Variants in PTPRD observed in about 807,000 individuals in gnomAD.
PTPRD encodes the protein receptor-type tyrosine-protein phosphatase delta.
A neutral mutation model predicts 214.5 loss-of-function variants in PTPRD; 34 were observed. The ratio of observed to expected loss-of-function variants is 0.16; its 90% CI spans 0.12 to 0.21. PTPRD has a LOEUF of 0.21. Ranked by LOEUF, PTPRD falls within the 10% of genes least tolerant of loss-of-function variation. The probability of loss-of-function intolerance (pLI) is 1.00; values close to 1 mark genes in which losing one functional copy is unlikely to be tolerated. For synonymous variants in PTPRD, 1,128 were observed against 845.7 expected, an observed-to-expected ratio of 1.33 and a Z score of -5.79; for missense variants, 2,545 against 2,398.7, an observed-to-expected ratio of 1.06 and a Z score of -1.27.
chr9:8,774,747 T>C (rs2095399770), intron 11 of PTPRD, among the ~76,000 whole-genome samples: 1 of 152,016 alleles, frequency 6.6e-6, no homozygotes, highest in Non-Finnish European at 1.5e-5. Flanking sequence ...TTGGTCAGGC[T>C]GGCCTCAAAC....
intron 3 of PTPRD, among the ~76,000 whole-genome samples, chr9:10,060,098 C>T (rs1390936993): frequency 1.3e-5 from 2 of 152,000 alleles, no homozygotes; most frequent in African/African-American, 4.8e-5. Flanking sequence ...TAAGGAGGTA[C>T]GACTGCATAA....
intron 11 of PTPRD, among the ~76,000 whole-genome samples, chr9:8,950,262 AT>A (rs1396929625): frequency 6.6e-6 from 1 of 152,150 alleles, no homozygotes; most frequent in Non-Finnish European, 1.5e-5. Flanking sequence ...CAGGGTTGTA[AT>A]TTAGAAATTA....
chr9:9,674,656 C>G (rs112049174), intron 7 of PTPRD, among the ~76,000 whole-genome samples: 4 of 151,586 alleles, frequency 2.6e-5, no homozygotes, highest in South Asian at 4.1e-4. Flanking sequence ...GCTAACTAAG[C>G]GAATTATATT....
chr9:9,771,581 A>AT (rs1359440934), intron 5 of PTPRD, among the ~76,000 whole-genome samples: 1 of 152,190 alleles, frequency 6.6e-6, no homozygotes, highest in East Asian at 1.9e-4. Context: ...ACATCACCTT[A>AT]TTTAAATGTT....
At chr9:10,031,589 T>G (rs1365538889) in intron 4 of PTPRD, among the ~76,000 whole-genome samples, 1 of 144,832 alleles carries the variant, frequency 6.9e-6, no homozygotes, top group East Asian at 2.0e-4. Flanking sequence ...TTGTGGGACC[T>G]TGTGATCATG....
intron 35 of PTPRD, among the ~76,000 whole-genome samples, chr9:8,410,859 C>T (rs10815858): frequency 0.25 from 38,202 of 151,916 alleles, 5,039 homozygotes; most frequent in Non-Finnish European, 0.29. Context: ...AACTGACATG[C>T]AGGGAACAAA....
intron 3 of PTPRD, among the ~76,000 whole-genome samples, chr9:10,224,465 A>G (rs1305651427): frequency 6.6e-6 from 1 of 151,990 alleles, no homozygotes; most frequent in Non-Finnish European, 1.5e-5. Context: ...GGTAGAAAAA[A>G]TGTTAATTTT....
At chr9:9,894,054 A>G (rs888073119) in intron 5 of PTPRD, among the ~76,000 whole-genome samples, 13 of 152,150 alleles carry the variant, frequency 8.5e-5, no homozygotes, top group African/African-American at 3.1e-4. Flanking sequence ...GTTCAAATGT[A>G]CTTCCTGCCT....
rs530482464 is a variant in PTPRD, at chr9:9,312,113, T to G, written c.-203+85336A>C. Among the ~76,000 whole-genome samples, 5 of 152,204 alleles carry G rather than the reference T, an allele frequency of 3.3e-5. No homozygotes were observed. In the South Asian group the frequency reaches 1.0e-3, roughly 32 times the overall value. On this transcript the variant is annotated intron_variant, in intron 9 of 45. Coordinates refer to ENST00000381196, the MANE Select transcript of PTPRD (RefSeq NM_002839.4). ...CATTTAGTTAGTGCCTCACAGATCA[T>G]AAACATTAAGCTTGATTTCAGCAAA...
At chr9:9,204,689 A>G (rs2099943774) in intron 9 of PTPRD, among the ~76,000 whole-genome samples, 1 of 152,220 alleles carries the variant, frequency 6.6e-6, no homozygotes, top group Non-Finnish European at 1.5e-5. Flanking sequence ...GTCCTGTTAA[A>G]TGCAACTGAA....
At position 8,718,367 on chromosome 9, in the gene PTPRD, C is replaced by T. The variant is rs1051019981; in HGVS notation, c.64+15413G>A. Among the ~76,000 whole-genome samples, 16 of 152,108 alleles carry T rather than the reference C, an allele frequency of 1.1e-4. 1 individual carries two copies. Among genetic ancestry groups the T allele is most frequent in the Non-Finnish European group, 1.5e-5 (1 of 68,010 alleles). ...GTTTTATTATAATTATCATAATACC[C>T]CTCGTTTCCCTCTCACTCCAAATCA... On this transcript the variant is annotated intron_variant, in intron 12 of 45. Coordinates refer to ENST00000381196, the MANE Select transcript of PTPRD (RefSeq NM_002839.4).
At chr9:10,210,928 G>A (rs2099514316) in intron 3 of PTPRD, among the ~76,000 whole-genome samples, 1 of 149,436 alleles carries the variant, frequency 6.7e-6, no homozygotes, top group African/African-American at 2.4e-5. Context: ...AACAAAGTAA[G>A]TCATTCCATA....
chr9:8,631,132 A>T (rs923717429), intron 14 of PTPRD, among the ~76,000 whole-genome samples: 1 of 151,874 alleles, frequency 6.6e-6, no homozygotes, highest in African/African-American at 2.4e-5. Context: ...GCTGAAGTGA[A>T]CTATGTATGT....
chr9:10,151,792 G>C (rs890931957), intron 3 of PTPRD, among the ~76,000 whole-genome samples: 1 of 152,092 alleles, frequency 6.6e-6, no homozygotes, highest in African/African-American at 2.4e-5. Context: ...CCACTGATCT[G>C]TTTTCTGTCG....
At chr9:8,940,201 C>A (rs955636539) in intron 11 of PTPRD, among the ~76,000 whole-genome samples, 1 of 150,488 alleles carries the variant, frequency 6.6e-6, no homozygotes, top group African/African-American at 2.4e-5. Context: ...TCCCTGATAC[C>A]GTGTTTGCAC....
At chr9:8,852,389 G>T (rs192354291) in intron 11 of PTPRD, among the ~76,000 whole-genome samples, 151 of 152,340 alleles carry the variant, frequency 9.9e-4, no homozygotes, top group African/African-American at 3.5e-3. Context: ...TTATCTGAAT[G>T]TCAAGGAAGA....
intron 43 of PTPRD, among the ~76,000 whole-genome samples, chr9:8,335,602 T>C (rs1845849211): frequency 6.6e-6 from 1 of 152,266 alleles, no homozygotes; most frequent in East Asian, 1.9e-4. Flanking sequence ...ATGCCCTCTC[T>C]CACCACTCCT....
At chr9:9,619,804 C>T (rs934139600) in intron 7 of PTPRD, among the ~76,000 whole-genome samples, 1 of 145,294 alleles carries the variant, frequency 6.9e-6, no homozygotes, top group African/African-American at 2.5e-5. Context: ...TATAGAAATA[C>T]ATTTATATAA....
intron 2 of PTPRD, among the ~76,000 whole-genome samples, chr9:10,474,462 C>T (rs1045576751): frequency 2.0e-5 from 3 of 151,962 alleles, no homozygotes; most frequent in Admixed American, 6.6e-5. Flanking sequence ...TGTATGCACC[C>T]GCTACAGGAG....
Sources: allele counts gnomAD v4.1 joint callset (sites outside exome capture counted in the v4.1 genomes callset), GRCh38; gene constraint gnomAD v4.1.1; transcripts MANE v1.5; gene names NCBI Gene and HGNC (gene_info 2026-07-23, HGNC 2026-07-21).